The following MYO5B variants were observed in gnomAD, a reference collection of about 807,000 sequenced individuals.
MYO5B encodes the protein unconventional myosin-Vb.
Under a neutral mutation model 229.3 loss-of-function variants are expected in MYO5B, and 143 were observed. The ratio of observed to expected loss-of-function variants is 0.62; its 90% confidence interval spans 0.54 to 0.72. The LOEUF is 0.72. MYO5B is among the 30% of genes least tolerant of loss of function. The pLI is 0.00. For missense variants in MYO5B, 2,321 were observed against 2,331.0 expected (o/e 1.00, Z 0.09); for synonymous variants, 918 against 885.2 (o/e 1.04, Z -0.66).
At chr18:50,158,186 T>C (rs988431751) in intron 1 of MYO5B, among the ~76,000 whole-genome samples, 5 of 152,208 alleles carry the variant, frequency 3.3e-5, no homozygotes, top group African/African-American at 7.2e-5. Context: ...TACTTTTATA[T>C]AGTAAGGTCT....
rs368336546 is a variant in MYO5B at position 49,843,257 on chromosome 18, A to C, written c.4595T>G (p.Ile1532Ser). The C allele has an allele frequency of 3.7e-6, 6 of 1,614,096 alleles. No homozygotes were observed. Among genetic ancestry groups the C allele is most frequent in the Non-Finnish European group, 4.2e-6 (5 of 1,180,020 alleles). Residue 1532 changes from isoleucine to serine, a missense_variant, in exon 34 of 40, where the codon ATT becomes AGT. Coordinates refer to ENST00000285039, the MANE Select transcript of MYO5B (RefSeq NM_001080467.3). ...GCTGCTTACTTTCAGGACTTTCTTA[A>C]TGCCGTTGATGGTGGAGGTCAGCAG... ...HSLLTSTING[I>S]KKVLKKHNDD...
chr18:50,173,277 G>GA (rs34753578), intron 1 of MYO5B, among the ~76,000 whole-genome samples: 665 of 115,004 alleles, frequency 5.8e-3, no homozygotes, highest in Admixed American at 7.4e-3. Context: ...AAAAACAGAA[G>GA]AAAAAAAAAA....
intron 21 of MYO5B, among the ~76,000 whole-genome samples, chr18:49,899,450 T>C (rs1404242891): frequency 2.6e-5 from 4 of 152,178 alleles, no homozygotes; most frequent in Non-Finnish European, 5.9e-5. Flanking sequence ...ATGCTATCTG[T>C]ATGAGCATGA....
intron 30 of MYO5B, among the ~76,000 whole-genome samples, 191 bp downstream of exon 30, chr18:49,856,622 C>T (rs1040716740): frequency 3.9e-5 from 6 of 152,244 alleles, no homozygotes; most frequent in Admixed American, 6.5e-5. Context: ...ACCCAAACAA[C>T]CAGCCACCCT....
At chr18:50,116,198 TTATCTTTCACC>T (rs2031959471) in intron 1 of MYO5B, among the ~76,000 whole-genome samples, 1 of 152,232 alleles carries the variant, frequency 6.6e-6, no homozygotes, top group Non-Finnish European at 1.5e-5. Context: ...GCATGGCTAC[TTATCTTTCACC>T]ATCATCCCCC....
At chr18:49,982,222 C>T (rs6507960) in intron 8 of MYO5B, among the ~76,000 whole-genome samples, 1,835 of 152,232 alleles carry the variant, frequency 0.012, 39 homozygotes, top group African/African-American at 0.042. Flanking sequence ...TGTGTGCCAA[C>T]ATGGCCAGCT....
intron 22 of MYO5B, among the ~76,000 whole-genome samples, chr18:49,890,413 A>G (rs1341400667): frequency 6.6e-6 from 1 of 152,172 alleles, no homozygotes; most frequent in Non-Finnish European, 1.5e-5. Flanking sequence ...TGCAGGCAAC[A>G]TTACTCAGTG....
At chr18:50,006,311 G>C (rs889403062) in intron 4 of MYO5B, among the ~76,000 whole-genome samples, 12 of 152,158 alleles carry the variant, frequency 7.9e-5, no homozygotes, top group African/African-American at 2.7e-4. Flanking sequence ...CAATGACTTG[G>C]CTGGCAACTT....
At chr18:50,123,613 C>T (rs59265785) in intron 1 of MYO5B, among the ~76,000 whole-genome samples, 11,674 of 152,038 alleles carry the variant, frequency 0.077, 521 homozygotes, top group East Asian at 0.22. Flanking sequence ...GGTGGTGCAC[C>T]GTACAGTCCC....
At chr18:49,891,004 A>C (rs1410449825) in intron 22 of MYO5B, among the ~76,000 whole-genome samples, 1 of 152,226 alleles carries the variant, frequency 6.6e-6, no homozygotes, top group African/African-American at 2.4e-5. Flanking sequence ...ACAGAAGCTG[A>C]AGTGCCTAGG....
chr18:50,098,377 G>A (rs1319395042), intron 1 of MYO5B, among the ~76,000 whole-genome samples: 1 of 152,120 alleles, frequency 6.6e-6, no homozygotes, highest in African/African-American at 2.4e-5. Context: ...CATGTTCTAT[G>A]GATTCCAATG....
chr18:49,845,046 G>T (rs2024108054), intron 33 of MYO5B, among the ~76,000 whole-genome samples: 1 of 152,100 alleles, frequency 6.6e-6, no homozygotes, highest in Non-Finnish European at 1.5e-5. Context: ...ACCTTTCCTG[G>T]GGCCACCTGA....
At position 49,996,831 on chromosome 18, in the gene MYO5B, G is replaced by A. The variant is rs1447850480; in HGVS notation, c.613-4400C>T. Reference sequence around the variant, plus strand: ...TTCTATAAATATAGTGTGGACAAAGGGACGGGGTTATGTTACAAAATAAAC... The same window carrying A: ...TTCTATAAATATAGTGTGGACAAAGAGACGGGGTTATGTTACAAAATAAAC... On this transcript the variant is annotated intron_variant, in intron 5 of 39. Transcript: ENST00000285039. Among the ~76,000 whole-genome samples the A allele has an allele frequency of 5.9e-5, 9 of 152,278 alleles. 1 individual carries two copies. The East Asian group carries it at 1.7e-3, about 29-fold the overall frequency.
intron 1 of MYO5B, among the ~76,000 whole-genome samples, chr18:50,118,067 T>C (rs1022295942): frequency 2.0e-5 from 3 of 152,170 alleles, no homozygotes; most frequent in African/African-American, 7.2e-5. Context: ...TTTTTATTAG[T>C]GACTCAGCCT....
chr18:50,051,727 T>C (rs189055232), intron 2 of MYO5B, among the ~76,000 whole-genome samples: 2 of 152,370 alleles, frequency 1.3e-5, no homozygotes, highest in East Asian at 3.9e-4. Context: ...TCTTGTTTAC[T>C]TCAATATGAA....
At position 49,929,617 on chromosome 18, in the gene MYO5B, A is replaced by T. The variant is rs531803821; in HGVS notation, c.2004-19T>A. 6.3e-7 allele frequency: 1 copy of T among 1,584,672 alleles called. No homozygotes were observed. Among genetic ancestry groups the T allele is most frequent in the Non-Finnish European group, 8.6e-7 (1 of 1,164,572 alleles). ...GTCAAAGCTGCCAAAGGAGAAAAAAAAAAAAAAAAGCAAGACAAGAGATGA... is the reference window on the plus strand; with the variant it reads ...GTCAAAGCTGCCAAAGGAGAAAAAATAAAAAAAAAGCAAGACAAGAGATGA... On this transcript the variant is annotated intron_variant, in intron 16 of 39. Transcript: ENST00000285039.
At chr18:49,827,482 C>T (rs1268864007) in intron 39 of MYO5B, among the ~76,000 whole-genome samples, 1 of 152,162 alleles carries the variant, frequency 6.6e-6, no homozygotes, top group Non-Finnish European at 1.5e-5. Context: ...CAGAGCCCCT[C>T]CCTGCTTCCT....
chr18:50,149,312 T>G (rs2032556019), intron 1 of MYO5B, among the ~76,000 whole-genome samples: 1 of 150,682 alleles, frequency 6.6e-6, no homozygotes, highest in South Asian at 2.1e-4. Context: ...AATGACTTTC[T>G]TCACAGAATT....
At chr18:50,030,921 A>G (rs1184160151) in intron 4 of MYO5B, among the ~76,000 whole-genome samples, 1 of 126,210 alleles carries the variant, frequency 7.9e-6, no homozygotes, top group Non-Finnish European at 1.7e-5. Context: ...AAAAAAGCAC[A>G]AATAAAACAC....
Sources: gnomAD v4.1 joint callset for allele counts (sites outside exome capture counted in the v4.1 genomes callset) on GRCh38, gnomAD v4.1.1 for gene constraint, MANE v1.5 for transcripts, NCBI Gene and HGNC (gene_info 2026-07-23, HGNC 2026-07-21) for gene names.